The following NFAT5 variants were observed in gnomAD, a reference collection of about 807,000 sequenced individuals.
NFAT5 encodes the protein nuclear factor of activated T cells 5, also known as nuclear factor of activated T-cells 5.
A neutral mutation model predicts 166.5 loss-of-function variants in NFAT5; 31 were observed. That is an observed-to-expected ratio of 0.19 (90% CI 0.14 to 0.25). The LOEUF is 0.25. Ranked by LOEUF, NFAT5 falls within the 10% of genes least tolerant of loss-of-function variation. NFAT5 has a pLI of 1.00. For missense variants in NFAT5, 1,449 were observed against 1,821.8 expected, an observed-to-expected ratio of 0.80 and a Z score of 3.72; for synonymous variants, 612 against 639.7, an observed-to-expected ratio of 0.96 and a Z score of 0.65.
chr16:69,588,028 CTG>C, intron 2 of NFAT5, among the ~76,000 whole-genome samples: 2 of 128,950 alleles, frequency 1.6e-5, no homozygotes, highest in Non-Finnish European at 3.1e-5. Flanking sequence ...TTCCGGCTTA[CTG>C]CAACCTCTGC....
chr16:69,693,799 C>T lies in NFAT5; in HGVS notation c.3974C>T (p.Ser1325Leu). The T allele has an allele frequency of 2.5e-6, 4 of 1,614,202 alleles. No individual in the cohort carries two copies. The highest frequency in any genetic ancestry group is 3.4e-6 in the Non-Finnish European group (4 of 1,180,046). Residue 1325 changes from serine (S) to leucine (L), a missense_variant, in exon 13 of 15, where the codon TCA becomes TTA. By Grantham distance (145) the Ser-to-Leu change is moderately radical (BLOSUM62 -2). This residue lies in a region of NFAT5 where 891 missense variants were observed against 993.0 expected (regional missense o/e 0.90). Coordinates refer to ENST00000349945, the MANE Select transcript of NFAT5 (RefSeq NM_138713.4). ...PMANQEQQNQ[S>L]IFHQQSNMAP... is the part of the protein sequence containing the mutation. Reference sequence around the variant, plus strand: ...GCTAATCAGGAGCAACAGAACCAGTCAATTTTTCACCAACAAAGTAACATG... The same window carrying T: ...GCTAATCAGGAGCAACAGAACCAGTTAATTTTTCACCAACAAAGTAACATG...
intron 2 of NFAT5, among the ~76,000 whole-genome samples, chr16:69,580,878 A>G (rs1272937291): frequency 6.6e-6 from 1 of 151,868 alleles, no homozygotes; most frequent in Non-Finnish European, 1.5e-5. Context: ...GATGGTCTCG[A>G]TCTCCTGAAC....
intron 2 of NFAT5, among the ~76,000 whole-genome samples, chr16:69,573,894 A>C (rs1211357754): frequency 8.0e-6 from 1 of 124,572 alleles, no homozygotes; most frequent in East Asian, 2.5e-4. Context: ...TTTTTTTGAG[A>C]TAGAGTTTCG....
chr16:69,648,663 T>C, intron 4 of NFAT5: 1 of 965,584 alleles, frequency 1.0e-6, no homozygotes, highest in Non-Finnish European at 1.2e-6. Context: ...TTGTAATATT[T>C]AATTGCTAGA....
intron 2 of NFAT5, among the ~76,000 whole-genome samples, chr16:69,605,135 TATTA>T (rs776426432): frequency 7.4e-4 from 113 of 152,240 alleles, no homozygotes; most frequent in Middle Eastern, 6.8e-3. Context: ...TCTATAAAAA[TATTA>T]ATTAAAAAAG....
At chr16:69,572,983 C>T (rs1348450238) in intron 2 of NFAT5, among the ~76,000 whole-genome samples, 1 of 152,136 alleles carries the variant, frequency 6.6e-6, no homozygotes, top group Non-Finnish European at 1.5e-5. Context: ...GCTGGGACTA[C>T]AGGCGCGTGC....
At chr16:69,592,888 A>G (rs545890279) in intron 2 of NFAT5, among the ~76,000 whole-genome samples, 4 of 152,338 alleles carry the variant, frequency 2.6e-5, no homozygotes, top group African/African-American at 9.6e-5. Context: ...AGTTGAGCAC[A>G]GAGGCATGGA....
chr16:69,609,752 G>T (rs2033611113), intron 2 of NFAT5, among the ~76,000 whole-genome samples: 1 of 149,656 alleles, frequency 6.7e-6, no homozygotes, highest in Non-Finnish European at 1.5e-5. Context: ...AGGCCAAGGT[G>T]GTAGAATTGC....
chr16:69,615,546 TTA>T (rs2033903110), intron 2 of NFAT5, among the ~76,000 whole-genome samples: 1 of 152,160 alleles, frequency 6.6e-6, no homozygotes, highest in African/African-American at 2.4e-5. Flanking sequence ...ATATGTATAT[TTA>T]TATGTCTGTA....
chr16:69,688,225 A>AAAAAAAAAAAAAAC, intron 11 of NFAT5, among the ~76,000 whole-genome samples: 1 of 144,786 alleles, frequency 6.9e-6, no homozygotes, highest in South Asian at 2.1e-4. Context: ...AAAAAAAAAA[A>AAAAAAAAAAAAAAC]ACCAGGAGTT....
At chr16:69,668,115 T>A (rs542203112) in intron 7 of NFAT5, among the ~76,000 whole-genome samples, 3 of 151,832 alleles carry the variant, frequency 2.0e-5, no homozygotes, top group Non-Finnish European at 4.4e-5. Context: ...TACAAGCATG[T>A]GCCAGCACAC....
intron 4 of NFAT5, chr16:69,648,406 G>A (rs954887819): frequency 4.1e-6 from 4 of 982,564 alleles, no homozygotes; most frequent in Admixed American, 6.2e-5. Context: ...TGTATCATAA[G>A]CTTTTTTCCT....
At chr16:69,661,537 C>G (rs1452421081) in intron 7 of NFAT5, among the ~76,000 whole-genome samples, 1 of 38,246 alleles carries the variant, frequency 2.6e-5, no homozygotes, top group Non-Finnish European at 4.2e-5. Context: ...GACCCAGTCT[C>G]TTAAAAAAAA....
intron 2 of NFAT5, among the ~76,000 whole-genome samples, chr16:69,614,878 CTTTTT>C (rs55841097): frequency 7.6e-6 from 1 of 130,988 alleles, no homozygotes; most frequent in Admixed American, 8.1e-5. Flanking sequence ...TTTCTTTTTC[CTTTTT>C]TTTTTTTTTT....
rs1160195056 is a variant in NFAT5, at chr16:69,614,156, CT to C, written c.128-12235del. Among the ~76,000 whole-genome samples the C allele has an allele frequency of 1.4e-3, 209 of 145,524 alleles. 1 individual carries two copies. The highest frequency in any genetic ancestry group is 1.9e-3 in the African/African-American group (75 of 40,014). On this transcript the variant is annotated intron_variant, in intron 2 of 14. Coordinates refer to ENST00000349945, the MANE Select transcript of NFAT5 (RefSeq NM_138713.4). Reference sequence around the variant, plus strand: ...TTTCTTTCTTTTCTTCTCTTTCTCTCTTTTTTTTTTTTCTTTTGAGACAAGG... The same window carrying C: ...TTTCTTTCTTTTCTTCTCTTTCTCTCTTTTTTTTTTTCTTTTGAGACAAGG...
In NFAT5 at chr16:69,588,980, CTTTTT is replaced by C. The variant is rs945918292; in HGVS notation, c.127+20459_127+20463del. ...GACCCTCCCTCCTCTTTTCCTACTT[CTTTTT>C]TTTTTTTTTTTTTTTTTTTTTTTTT... is the stretch of plus-strand genomic sequence containing the variant. On this transcript the variant is annotated intron_variant, in intron 2 of 14. Transcript: ENST00000349945. 7.5e-3 allele frequency among the ~76,000 whole-genome samples: 259 copies of C among 34,334 alleles called. 1 individual carries two copies. The highest frequency in any genetic ancestry group is 0.02 in the African/African-American group (230 of 11,550). The allele number at this position is 34,334 out of a possible 152,430, so 22.5% of individuals were successfully genotyped here.
intron 3 of NFAT5, chr16:69,646,520 T>A: frequency 8.0e-7 from 1 of 1,247,754 alleles, no homozygotes. Context: ...ATTCCAGGAT[T>A]TGCCTCTGAA....
chr16:69,675,921 G>C (rs1384919831), intron 9 of NFAT5, among the ~76,000 whole-genome samples: 1 of 152,152 alleles, frequency 6.6e-6, no homozygotes, highest in African/African-American at 2.4e-5. Flanking sequence ...GATTACAGGC[G>C]TAAGCCACCA....
At chr16:69,617,656 A>G (rs1002903675) in intron 2 of NFAT5, among the ~76,000 whole-genome samples, 1 of 151,682 alleles carries the variant, frequency 6.6e-6, no homozygotes, top group Non-Finnish European at 1.5e-5. Context: ...TCACCTGGCT[A>G]ATTTTTGTAT....
Sources: allele counts gnomAD v4.1 joint callset (sites outside exome capture counted in the v4.1 genomes callset), GRCh38; gene constraint gnomAD v4.1.1; regional missense constraint gnomAD v4.1.1; transcripts MANE v1.5; gene names NCBI Gene and HGNC (gene_info 2026-07-23, HGNC 2026-07-21).